Variants in MTMR14 observed in about 807,000 individuals in gnomAD.
MTMR14 encodes myotubularin related protein 14, also known as phosphatidylinositol-3,5-bisphosphate 3-phosphatase MTMR14.
MTMR14 carries 48 observed loss-of-function variants against 86.3 expected under a neutral mutation model. That is an observed-to-expected ratio of 0.56 (90% CI 0.44 to 0.71). MTMR14 has a LOEUF of 0.71. Among genes scored for constraint, MTMR14 ranks in the 30% least tolerant of loss-of-function variants. The pLI, the probability that MTMR14 is intolerant of heterozygous loss-of-function variation, is 0.00. For synonymous variants in MTMR14, 366 were observed against 326.1 expected (o/e 1.12, Z -1.32); for missense variants, 780 against 834.6 (o/e 0.93, Z 0.81).
intron 9 of MTMR14, among the ~76,000 whole-genome samples, 171 bp from the exon 10 acceptor site, chr3:9,683,007 C>T (rs539236835): frequency 5.5e-4 from 82 of 149,584 alleles, no homozygotes; most frequent in African/African-American, 2.0e-3. Flanking sequence ...GTAGGAGCTG[C>T]TGGAGATGGA....
chr3:9,661,360 C>T (rs181938011), intron 2 of MTMR14, among the ~76,000 whole-genome samples: 2 of 152,166 alleles, frequency 1.3e-5, no homozygotes, highest in African/African-American at 2.4e-5. Context: ...CCCTCACATG[C>T]GGAGTTCACA....
At position 9,677,843 on chromosome 3, in the gene MTMR14, C is replaced by G; in HGVS notation, c.823-141C>G. ...GGTCACATTGATTTTTAAGCTGTCA[C>G]TCCCAGGTAGCACAGGTATCTGGCC... is the stretch of plus-strand genomic sequence containing the variant. On this transcript the variant is annotated intron_variant, in intron 8 of 18. Transcript: ENST00000296003. The surrounding 1 kb of genome is among the most constrained non-coding windows in gnomAD (Gnocchi z 4.2). 2.9e-6 allele frequency: 2 copies of G among 686,024 alleles called. No individual in the cohort carries two copies. Among genetic ancestry groups the G allele is most frequent in the Non-Finnish European group, 5.1e-6 (2 of 395,506 alleles). 42.5% of individuals were successfully genotyped at this position (686,024 alleles called of 1,614,324 possible).
chr3:9,685,307 A>G (rs2125277371), intron 13 of MTMR14, 60 bp downstream of exon 13: 1 of 1,600,228 alleles, frequency 6.2e-7, no homozygotes. Flanking sequence ...GGCAGTGGGT[A>G]GCCTGTCTGA....
Position 9,649,680 on chromosome 3 carries a change from C to T in MTMR14, c.97C>T (p.Leu33=), listed in dbSNP as rs201655756. 5.7e-5 allele frequency: 92 copies of T among 1,608,996 alleles called. No homozygotes were observed. The African/African-American group carries it at 1.1e-3, about 19-fold the overall frequency. The part of the protein sequence containing the change: ...PPQELGLGEL[L]EEFSRTQYRA... ...TCAGGAGCTGGGGCTTGGGGAGCTG[C>T]TGGAGGAGTTCTCCCGGACTCAGTA... The change falls in exon 1 of 19, where the codon CTG becomes TTG. Residue 33 remains leucine (L), a synonymous_variant. Transcript: ENST00000296003.
intron 1 of MTMR14, chr3:9,650,526 T>G: frequency 2.8e-6 from 1 of 361,382 alleles, no homozygotes; most frequent in Non-Finnish European, 5.6e-6. Flanking sequence ...CCTCAGAGAT[T>G]ACCGTGAGTT....
In MTMR14 at chr3:9,653,740, G is replaced by A; in HGVS notation, c.279G>A (p.Glu93=). 2 of 1,614,200 alleles carry A rather than the reference G, an allele frequency of 1.2e-6. No individual in the cohort carries two copies. Among genetic ancestry groups the A allele is most frequent in the Non-Finnish European group, 1.7e-6 (2 of 1,180,040 alleles). ...ATCCCCGGCACATCGTGTTCCTGGA[G>A]TATGAGAGTTCTGAGAAGGAGAAAG... is the stretch of plus-strand genomic sequence containing the variant. The part of the protein sequence containing the change: ...GHYPRHIVFL[E]YESSEKEKDT... Residue 93 remains glutamate (E), a synonymous_variant, in exon 2 of 19, where the codon GAG becomes GAA. Coordinates refer to ENST00000296003, the MANE Select transcript of MTMR14 (RefSeq NM_001077525.3).
intron 1 of MTMR14, chr3:9,650,329 C>T: frequency 2.2e-6 from 1 of 456,704 alleles, no homozygotes; most frequent in Non-Finnish European, 4.4e-6. Flanking sequence ...TCCACCCAGT[C>T]GTCTTATCGC....
At chr3:9,683,028 C>T in intron 9 of MTMR14, 150 bp from the exon 10 acceptor site, 2 of 534,778 alleles carry the variant, frequency 3.7e-6, no homozygotes, top group South Asian at 1.9e-5. Context: ...ATACGAATGT[C>T]CCAGATTATC....
intron 7 of MTMR14, chr3:9,675,443 T>C (rs2048804809): frequency 2.7e-6 from 1 of 370,386 alleles, no homozygotes; most frequent in African/African-American, 2.1e-5. Flanking sequence ...CTGTGATGAC[T>C]TTGAGGCTCA....
At chr3:9,664,163 A>C (rs2048116140) in intron 3 of MTMR14, among the ~76,000 whole-genome samples, 1 of 151,726 alleles carries the variant, frequency 6.6e-6, no homozygotes, top group South Asian at 2.1e-4. Flanking sequence ...GAGATACTCC[A>C]ACCAGTGTTT....
intron 17 of MTMR14, 62 bp from the exon 18 acceptor site, chr3:9,697,649 A>G (rs1431070330): frequency 3.8e-6 from 6 of 1,577,746 alleles, no homozygotes; most frequent in Non-Finnish European, 5.2e-6. Context: ...AGCCCCCTCC[A>G]GAGCCTGTGT....
chr3:9,672,647 G>A (rs1169965640), intron 6 of MTMR14, 38 bp from the exon 7 acceptor site: 10 of 1,546,096 alleles, frequency 6.5e-6, no homozygotes, highest in Non-Finnish European at 6.3e-6. Context: ...TTGTGTGTGT[G>A]TTGCGACACT....
chr3:9,685,134 T>G, intron 12 of MTMR14, 77 bp from the exon 13 acceptor site: 1 of 1,594,836 alleles, frequency 6.3e-7, no homozygotes, highest in Non-Finnish European at 8.6e-7. Context: ...TGACACAGTC[T>G]GTGTCTGGTG....
intron 1 of MTMR14, chr3:9,650,273 T>C: frequency 2.2e-6 from 1 of 456,124 alleles, no homozygotes. Context: ...TTCAGTTCCT[T>C]TATCTAAAGC....
chr3:9,650,286 G>A (rs1559550179), intron 1 of MTMR14: 2 of 456,450 alleles, frequency 4.4e-6, no homozygotes, highest in East Asian at 7.0e-5. Flanking sequence ...TCTAAAGCAG[G>A]TCTCCGTTCC....
rs1298345329 is a variant in MTMR14 at position 9,656,617 on chromosome 3, G to T, written c.308+2848G>T. On this transcript the variant is annotated intron_variant, in intron 2 of 18. Coordinates refer to ENST00000296003, the MANE Select transcript of MTMR14 (RefSeq NM_001077525.3). ...TTGAATTTTAGTAGAGATGGGTTTT[G>T]CCATGATGGCCAGGCTAGTCTCAAC... Among the ~76,000 whole-genome samples the T allele has an allele frequency of 3.3e-5, 5 of 151,968 alleles. No individual in the cohort carries two copies. In the East Asian group the frequency reaches 5.8e-4, roughly 18 times the overall value.
intron 7 of MTMR14, among the ~76,000 whole-genome samples, chr3:9,673,331 A>G (rs997906329): frequency 1.2e-4 from 19 of 152,246 alleles, no homozygotes; most frequent in African/African-American, 3.9e-4. Context: ...TGGTATCCAC[A>G]AAGCTGCATT....
chr3:9,687,556 A>T (rs2075999713), intron 13 of MTMR14, among the ~76,000 whole-genome samples: 1 of 149,740 alleles, frequency 6.7e-6, no homozygotes, highest in African/African-American at 2.5e-5. Context: ...CTCTGTCTCA[A>T]ATAAAAAAAA....
chr3:9,694,624 G>A (rs2076230375), intron 17 of MTMR14, among the ~76,000 whole-genome samples: 2 of 152,216 alleles, frequency 1.3e-5, no homozygotes, highest in African/African-American at 4.8e-5. Flanking sequence ...CTGTGGTTAA[G>A]GACTTGGCCT....
Sources: allele counts gnomAD v4.1 joint callset (sites outside exome capture counted in the v4.1 genomes callset), GRCh38; gene constraint gnomAD v4.1.1; non-coding constraint Gnocchi (gnomAD v3.1); transcripts MANE v1.5; gene names NCBI Gene and HGNC (gene_info 2026-07-23, HGNC 2026-07-21).